The following NUP85 variants were observed in gnomAD, a reference collection of about 807,000 sequenced individuals.
The protein encoded by NUP85 is nucleoporin 85.
In NUP85, 23 loss-of-function variants were observed where a neutral mutation model predicts 92.8. That is an observed-to-expected ratio of 0.25 (90% confidence interval 0.18 to 0.35). The LOEUF (loss-of-function observed/expected upper bound fraction) is 0.35, where lower values mean the gene tolerates loss of function less well. Among genes scored for constraint, NUP85 ranks in the 10% least tolerant of loss-of-function variants. The pLI is 1.00. For synonymous variants in NUP85, 314 were observed against 306.9 expected (o/e 1.02, Z -0.24); for missense variants, 759 against 822.8 (o/e 0.92, Z 0.95).
chr17:75,232,265 C>T (rs977390638), intron 14 of NUP85: 17 of 427,912 alleles, frequency 4.0e-5, no homozygotes, highest in Admixed American at 1.8e-4. Context: ...CTGGGGTTGG[C>T]GCTGTTTCCC....
intron 1 of NUP85, among the ~76,000 whole-genome samples, chr17:75,206,753 A>C (rs978909187): frequency 1.3e-5 from 2 of 152,160 alleles, no homozygotes; most frequent in African/African-American, 2.4e-5. Flanking sequence ...GCTGGAGTGC[A>C]GTGGCGCGGT....
chr17:75,210,381 G>T (rs962677661), intron 3 of NUP85, among the ~76,000 whole-genome samples: 2 of 152,100 alleles, frequency 1.3e-5, no homozygotes, highest in African/African-American at 2.4e-5. Context: ...GAAAACTCTC[G>T]TACTATTTAT....
At chr17:75,218,426 A>G (rs2075495970) in intron 7 of NUP85, 120 bp downstream of exon 7, 6 of 1,198,152 alleles carry the variant, frequency 5.0e-6, no homozygotes, top group Admixed American at 2.0e-5. Flanking sequence ...GTCTGTTACT[A>G]TGGAGACTCT....
In NUP85 at chr17:75,234,537, GT is replaced by G. The variant is rs1327210276; in HGVS notation, c.1616-95del. On this transcript the variant is annotated intron_variant, in intron 16 of 18. Coordinates refer to ENST00000245544, the MANE Select transcript of NUP85 (RefSeq NM_024844.5). ...TGCTTTGTGGAGTGGCTGGTCTGAG[GT>G]TTTTCTTCTCCTGTTTAGGGCCAGG... is the stretch of plus-strand genomic sequence containing the variant. 6.5e-5 allele frequency: 82 copies of G among 1,253,300 alleles called. No homozygotes were observed. The Admixed American group carries it at 1.4e-3, about 21-fold the overall frequency. The allele number at this position is 1,253,300 out of a possible 1,614,324, so 77.6% of individuals were successfully genotyped here.
At chr17:75,210,820 G>T (rs1363377568) in intron 3 of NUP85, among the ~76,000 whole-genome samples, 1 of 152,042 alleles carries the variant, frequency 6.6e-6, no homozygotes, top group African/African-American at 2.4e-5. Context: ...TCCTGCCTCA[G>T]CCTCCCGAGT....
chr17:75,213,898 G>A (rs1260441907), intron 5 of NUP85, among the ~76,000 whole-genome samples: 2 of 137,022 alleles, frequency 1.5e-5, no homozygotes, highest in Non-Finnish European at 3.0e-5. Context: ...TTGAGACGGA[G>A]TCTCTCTCTG....
chr17:75,226,039 A>C lies in NUP85; in HGVS notation c.988-12A>C, dbSNP rs747495916. On this transcript the variant is annotated splice_polypyrimidine_tract_variant and intron_variant, in intron 10 of 18. Coordinates refer to ENST00000245544, the MANE Select transcript of NUP85 (RefSeq NM_024844.5). ...CGTCCTCAGGATTGAGTGTCTCATC[A>C]CCTTTCCACAGTCCAGCCTGGACCT... is the stretch of plus-strand genomic sequence containing the variant. 6.2e-7 allele frequency: 1 copy of C among 1,613,416 alleles called. No homozygotes were observed. The highest frequency in any genetic ancestry group is 1.7e-5 in the Admixed American group (1 of 59,982).
chr17:75,214,407 G>A (rs977840631), intron 5 of NUP85, among the ~76,000 whole-genome samples: 7 of 152,210 alleles, frequency 4.6e-5, no homozygotes, highest in South Asian at 2.1e-4. Context: ...TCTTATATTG[G>A]GCTTTCCCGT....
rs757054980 is a variant in NUP85 at position 75,212,035 on chromosome 17, T to A, written c.334T>A (p.Cys112Ser). ...SKNYRSVIRA[C>S]MEEMHQVAIA... ...AAACTACCGATCAGTCATCAGAGCATGTATGGAGGAAATGCACCAGGTTGC... is the reference window on the plus strand; with the variant it reads ...AAACTACCGATCAGTCATCAGAGCAAGTATGGAGGAAATGCACCAGGTTGC... Residue 112 changes from cysteine (C) to serine (S), a missense_variant, in exon 4 of 19, where the codon TGT becomes AGT. Coordinates refer to ENST00000245544, the MANE Select transcript of NUP85 (RefSeq NM_024844.5). The A allele has an allele frequency of 5.4e-5, 87 of 1,613,662 alleles. 3 individuals carry two copies. In the South Asian group the frequency reaches 9.4e-4, roughly 18 times the overall value.
rs1180314478 is a variant in NUP85 at position 75,231,063 on chromosome 17, C to T, written c.1095-277C>T. On this transcript the variant is annotated intron_variant, in intron 11 of 18. Transcript: ENST00000245544. This position sits in a 1 kb window ranked among gnomAD's most constrained non-coding sequence, Gnocchi z 4.6. ...ACTCCCACCCCAGCTTCTCGAGTAG[C>T]TGGGATTACAGGTGTGTGCCACCAT... The T allele has an allele frequency of 5.2e-6, 2 of 385,480 alleles. No homozygotes were observed. The highest frequency in any genetic ancestry group is 5.6e-5 in the East Asian group (1 of 17,854). The allele number at this position is 385,480 out of a possible 1,614,324, so 23.9% of individuals were successfully genotyped here. A position where few individuals can be genotyped will look rare whatever the true frequency, so the allele number is the denominator to read the frequency against.
At chr17:75,217,915 AGT>A (rs1159230884) in intron 6 of NUP85, among the ~76,000 whole-genome samples, 1 of 152,070 alleles carries the variant, frequency 6.6e-6, no homozygotes, top group Non-Finnish European at 1.5e-5. Context: ...AAGAATCTGG[AGT>A]GTGGGGTAGT....
Position 75,231,001 on chromosome 17 carries a change from G to A in NUP85, c.1095-339G>A, listed in dbSNP as rs1256384649. The stretch of plus-strand genomic sequence containing the variant: ...AGTTGGAGTGCGGTGGCGTGATCTC[G>A]GCCGATTGCAGCCTCTGCTTCCCAG... On this transcript the variant is annotated intron_variant, in intron 11 of 18. Coordinates refer to ENST00000245544, the MANE Select transcript of NUP85 (RefSeq NM_024844.5). The surrounding 1 kb of genome is among the most constrained non-coding windows in gnomAD (Gnocchi z 4.6). 1.5e-5 allele frequency: 4 copies of A among 269,512 alleles called. No homozygotes were observed. Among genetic ancestry groups the A allele is most frequent in the East Asian group, 2.0e-4 (2 of 10,176 alleles). The allele number at this position is 269,512 out of a possible 1,614,324, so 16.7% of individuals were successfully genotyped here.
chr17:75,234,855 G>A (rs1419032904), intron 17 of NUP85, 67 bp downstream of exon 17: 2 of 1,572,706 alleles, frequency 1.3e-6, no homozygotes, highest in Non-Finnish European at 1.7e-6. Context: ...TTGTATAGCT[G>A]TTGCCGATGT....
Position 75,231,306 on chromosome 17 carries a change from AT to A in NUP85, c.1095-30del, listed in dbSNP as rs760120045. ...CTTGTGGGACGCGGCCTGTGCCCTG[AT>A]TTTCCTTCTTGCCTTGGTGTCTGAA... On this transcript the variant is annotated intron_variant, in intron 11 of 18. Coordinates refer to ENST00000245544, the MANE Select transcript of NUP85 (RefSeq NM_024844.5). The surrounding 1 kb of genome is among the most constrained non-coding windows in gnomAD (Gnocchi z 4.6). The A allele has an allele frequency of 6.2e-7, 1 of 1,612,404 alleles. No individual in the cohort carries two copies. The highest frequency in any genetic ancestry group is 1.7e-5 in the Admixed American group (1 of 60,014).
chr17:75,233,188 T>C, intron 16 of NUP85, 30 bp downstream of exon 16: 1 of 1,586,078 alleles, frequency 6.3e-7, no homozygotes, highest in Non-Finnish European at 8.7e-7. Context: ...GCCCTGTGCT[T>C]TGGGCACAAG....
At chr17:75,211,135 T>G (rs1385313779) in intron 3 of NUP85, among the ~76,000 whole-genome samples, 9 of 151,576 alleles carry the variant, frequency 5.9e-5, no homozygotes, top group Non-Finnish European at 1.3e-4. Context: ...CCTGAGTAGC[T>G]GGGATTACAG....
At position 75,211,520 on chromosome 17, in the gene NUP85, G is replaced by A. The variant is rs530196617; in HGVS notation, c.291-472G>A. ...TGGCTCACTGCAACCTCCGCCTGCC[G>A]GGTTCAAGAGATTCTCCTGCCTCAG... On this transcript the variant is annotated intron_variant, in intron 3 of 18. Transcript: ENST00000245544. Among the ~76,000 whole-genome samples, 16 of 150,984 alleles carry A rather than the reference G, an allele frequency of 1.1e-4. No homozygotes were observed. In the South Asian group the frequency reaches 2.7e-3, roughly 26 times the overall value.
At chr17:75,232,697 G>A (rs1214788218) in intron 14 of NUP85, among the ~76,000 whole-genome samples, 154 bp from the exon 15 acceptor site, 1 of 152,140 alleles carries the variant, frequency 6.6e-6, no homozygotes, top group Non-Finnish European at 1.5e-5. Flanking sequence ...TTAATCAGCC[G>A]AGTTTCCAGC....
intron 4 of NUP85, among the ~76,000 whole-genome samples, chr17:75,212,275 T>A: frequency 1.3e-5 from 1 of 77,602 alleles, no homozygotes; most frequent in Non-Finnish European, 2.3e-5. Context: ...TTTTTTTTTT[T>A]TTTTTTTTTT....
Sources: allele counts gnomAD v4.1 joint callset (sites outside exome capture counted in the v4.1 genomes callset), GRCh38; gene constraint gnomAD v4.1.1; non-coding constraint Gnocchi (gnomAD v3.1); transcripts MANE v1.5; gene names NCBI Gene and HGNC (gene_info 2026-07-23, HGNC 2026-07-21).